Variants in PLCB2 observed in about 807,000 individuals in gnomAD.
PLCB2 encodes the protein 1-phosphatidylinositol 4,5-bisphosphate phosphodiesterase beta-2.
In PLCB2, 115 loss-of-function variants were observed where a neutral mutation model predicts 141.7. That is an observed-to-expected ratio of 0.81 (90% confidence interval 0.70 to 0.95). PLCB2 has a LOEUF of 0.95. PLCB2 is among the 40% of genes least tolerant of loss of function. The probability of loss-of-function intolerance (pLI) is 0.00; values close to 1 mark genes in which losing one functional copy is unlikely to be tolerated. For synonymous variants in PLCB2, 603 were observed against 595.6 expected (o/e 1.01, Z -0.18); for missense variants, 1,403 against 1,541.1 (o/e 0.91, Z 1.50).
Position 40,288,300 on chromosome 15 carries a change from A to C in PLCB2, c.*415T>G. ...CTGATGGGGCCTGGAAGCCTGGGGC[A>C]GGAGGGTTCGGGGCTAGAGTGGAGG... On this transcript the variant is annotated 3_prime_UTR_variant, in exon 32 of 32. Coordinates refer to ENST00000260402, the MANE Select transcript of PLCB2 (RefSeq NM_004573.3). 1 of 992,992 alleles carries C rather than the reference A, an allele frequency of 1.0e-6. No homozygotes were observed. Among genetic ancestry groups the C allele is most frequent in the Non-Finnish European group, 1.2e-6 (1 of 835,164 alleles). The allele number at this position is 992,992 out of a possible 1,614,324, so 61.5% of individuals were successfully genotyped here. A position where few individuals can be genotyped will look rare whatever the true frequency, so the allele number is the denominator to read the frequency against.
chr15:40,289,272 C>G lies in PLCB2; in HGVS notation c.3354G>C (p.Gln1118His). 1 of 1,613,048 alleles carries G rather than the reference C, an allele frequency of 6.2e-7. No homozygotes were observed. Among genetic ancestry groups the G allele is most frequent in the Non-Finnish European group, 8.5e-7 (1 of 1,178,994 alleles). The part of the protein sequence containing the change: ...CLEQIREMEK[Q>H]FQKEALAEYE... ...GGGGTCCCAGTAGTGAACCTGTTAC[C>G]TGCTTTTCCATCTCCCGTATCTGTT... The change falls in exon 31 of 32, where the codon CAG (glutamine) becomes CAC (histidine). Residue 1118 changes from glutamine (Q) to histidine (H), a missense_variant and splice_region_variant. Coordinates refer to ENST00000260402, the MANE Select transcript of PLCB2 (RefSeq NM_004573.3).
chr15:40,302,514 GT>G lies in PLCB2; in HGVS notation c.326del (p.Asp109AlafsTer25). 4 of 1,614,180 alleles carry G rather than the reference GT, an allele frequency of 2.5e-6. No individual in the cohort carries two copies. Among genetic ancestry groups the G allele is most frequent in the Non-Finnish European group, 3.4e-6 (4 of 1,180,020 alleles). ...AGGAGACGAAGTTGTGGAAGGTGAG[GT>G]CCACCATGTCCGGGCCGGACACCAC... is the stretch of plus-strand genomic sequence containing the variant. ...LTVVSGPDMV[D>X]LTFHNFVSYK... On this transcript the variant is annotated frameshift_variant, in exon 4 of 32. Coordinates refer to ENST00000260402, the MANE Select transcript of PLCB2 (RefSeq NM_004573.3). LOFTEE classifies it high-confidence loss of function.
rs766936311 is a variant in PLCB2 at position 40,298,647 on chromosome 15, G to A, written c.912C>T (p.Ala304=). The A allele has an allele frequency of 1.9e-6, 3 of 1,614,194 alleles. No homozygotes were observed. In the South Asian group the frequency reaches 3.3e-5, roughly 18 times the overall value. Residue 304 remains alanine (A), a synonymous_variant, in exon 10 of 32, where the codon GCC becomes GCT. Transcript: ENST00000260402. ...CGTGGTGGAGCAGCAGCTTGTCCTG[G>A]GCCAGCACGCTGTTCTCTGGCCCAC... ...FLCGPENSVL[A]QDKLLLHHDM...
chr15:40,305,103 G>A (rs190335404), intron 1 of PLCB2, among the ~76,000 whole-genome samples: 2 of 151,594 alleles, frequency 1.3e-5, no homozygotes, highest in Admixed American at 1.3e-4. Context: ...CCAAGGGAGA[G>A]TTGGAGTGCC....
At position 40,297,640 on chromosome 15, in the gene PLCB2, G is replaced by A. The variant is rs367673468; in HGVS notation, c.1239-35C>T. The A allele has an allele frequency of 4.5e-5, 69 of 1,538,846 alleles. No individual in the cohort carries two copies. Among genetic ancestry groups the A allele is most frequent in the African/African-American group, 8.2e-5 (6 of 73,616 alleles). The stretch of plus-strand genomic sequence containing the variant: ...GCAAAAGCGGGGATGGGGTTCAGCC[G>A]CTCAGCACCAACCCTATTATGCATC... On this transcript the variant is annotated intron_variant, in intron 12 of 31. Coordinates refer to ENST00000260402, the MANE Select transcript of PLCB2 (RefSeq NM_004573.3). This position sits in a 1 kb window ranked among gnomAD's most constrained non-coding sequence, Gnocchi z 4.2.
intron 1 of PLCB2, among the ~76,000 whole-genome samples, chr15:40,307,308 AAGG>A (rs1377407770): frequency 6.6e-6 from 1 of 152,044 alleles, no homozygotes; most frequent in Non-Finnish European, 1.5e-5. Flanking sequence ...TGGGGGTTTG[AAGG>A]AGAAGAGAAG....
chr15:40,296,854 T>G lies in PLCB2; in HGVS notation c.1378A>C (p.Ile460Leu), dbSNP rs779593874. ...GAAAACTGGTTCTTCTTGTTCTTGATGAGGATCTTGCCCCTGAGATCCTCA... is the reference window on the plus strand; with the variant it reads ...GAAAACTGGTTCTTCTTGTTCTTGAGGAGGATCTTGCCCCTGAGATCCTCA... ...SPEDLRGKILIKNKKNQFSGP... is the reference protein window; with the variant it reads ...SPEDLRGKILLKNKKNQFSGP... Residue 460 changes from isoleucine to leucine, a missense_variant, in exon 14 of 32, where the codon ATC (isoleucine) becomes CTC (leucine). This residue lies in a region of PLCB2 where 975 missense variants were observed against 1,141.1 expected (regional missense o/e 0.85). Coordinates refer to ENST00000260402, the MANE Select transcript of PLCB2 (RefSeq NM_004573.3). The G allele has an allele frequency of 6.2e-7, 1 of 1,614,156 alleles. No homozygotes were observed. The highest frequency in any genetic ancestry group is 8.5e-7 in the Non-Finnish European group (1 of 1,180,006).
At position 40,302,597 on chromosome 15, in the gene PLCB2, G is replaced by A. The variant is rs377506463; in HGVS notation, c.244C>T (p.Arg82Trp). The A allele has an allele frequency of 1.2e-5, 19 of 1,614,146 alleles. No homozygotes were observed. The highest frequency in any genetic ancestry group is 2.2e-5 in the East Asian group (1 of 44,882). Residue 82 changes from arginine (R) to tryptophan (W), a missense_variant, in exon 4 of 32, where the codon CGG (arginine) becomes TGG (tryptophan). Physicochemically the swap from Arg to Trp is moderately radical, Grantham distance 101 (BLOSUM62 -3). This residue lies in a region of PLCB2 where 975 missense variants were observed against 1,141.1 expected (regional missense o/e 0.85). Coordinates refer to ENST00000260402, the MANE Select transcript of PLCB2 (RefSeq NM_004573.3). The part of the protein sequence containing the change: ...FAKMPKSQKL[R>W]DVFNMDFPDN... ...GGAAAGTCCATGTTGAAGACGTCCC[G>A]GAGCTTCTGGCTCTGCAGCACGTGG...
chr15:40,285,799 C>A (rs1183147387), downstream of PLCB2: 9 of 984,762 alleles, frequency 9.1e-6, no homozygotes, highest in African/African-American at 5.2e-5. Context: ...ATGACTCACA[C>A]CCCCCCAGGT....
In PLCB2 at chr15:40,293,553, C is replaced by T; in HGVS notation, c.2226+7G>A. 1 of 1,612,908 alleles carries T rather than the reference C, an allele frequency of 6.2e-7. No individual in the cohort carries two copies. The highest frequency in any genetic ancestry group is 8.5e-7 in the Non-Finnish European group (1 of 1,179,004). ...CAGACTCTGCCCTGCCATGCCCTGG[C>T]CCCCACCTTCTCAAAGACAAAGGGC... On this transcript the variant is annotated splice_region_variant and intron_variant, in intron 20 of 31. Transcript: ENST00000260402.
Position 40,298,677 on chromosome 15 carries a change from A to G in PLCB2, c.882T>C (p.Phe294=). ...GQLSPEGMVW[F]LCGPENSVLA... is the part of the protein sequence containing the mutation. ...GCACGCTGTTCTCTGGCCCACAGAG[A>G]AACCAGACCATGCCTTCAGGTGACA... Residue 294 remains phenylalanine, a synonymous_variant, in exon 10 of 32, where the codon TTT becomes TTC. Transcript: ENST00000260402. 1 of 1,614,152 alleles carries G rather than the reference A, an allele frequency of 6.2e-7. No individual in the cohort carries two copies. The highest frequency in any genetic ancestry group is 8.5e-7 in the Non-Finnish European group (1 of 1,180,008).
At chr15:40,295,082 T>C (rs1232901939) in intron 17 of PLCB2, 22 bp from the exon 18 acceptor site, 3 of 1,609,716 alleles carry the variant, frequency 1.9e-6, no homozygotes, top group East Asian at 4.5e-5. Flanking sequence ...TTTAGGACCC[T>C]AGCCAAGGCC....
In PLCB2 at chr15:40,289,370, T is replaced by A. The variant is rs775592919; in HGVS notation, c.3268-12A>T. On this transcript the variant is annotated splice_polypyrimidine_tract_variant and intron_variant, in intron 30 of 31. Coordinates refer to ENST00000260402, the MANE Select transcript of PLCB2 (RefSeq NM_004573.3). ...AAGTTCTCCGTCATCTGGGTGGGAG[T>A]GGATGGCAGAGAATCAGGACAACAC... is the stretch of plus-strand genomic sequence containing the variant. The A allele has an allele frequency of 6.2e-7, 1 of 1,605,188 alleles. No homozygotes were observed. Among genetic ancestry groups the A allele is most frequent in the Non-Finnish European group, 8.5e-7 (1 of 1,172,322 alleles).
rs200750147 is a variant in PLCB2, at chr15:40,291,419, C to T, written c.2716G>A (p.Glu906Lys). The change falls in exon 26 of 32, where the codon GAG becomes AAG. Residue 906 changes from glutamate (E) to lysine (K), a missense_variant. By Grantham distance (56) the Glu-to-Lys change is moderately conservative (BLOSUM62 1). Transcript: ENST00000260402. ...KGVVKLQRRHEKELRELERRG... is the reference protein window; with the variant it reads ...KGVVKLQRRHKKELRELERRG... ...CGCTCCAACTCTCGCAGCTCCTTCT[C>T]GTGCCGCCGCTGCAGCTTCACCACG... 5.0e-3 allele frequency: 7,669 copies of T among 1,538,564 alleles called. 29 individuals carry two copies. Among genetic ancestry groups the T allele is most frequent in the Non-Finnish European group, 6.0e-3 (6,906 of 1,147,580 alleles).
At chr15:40,285,504 T>G, downstream of PLCB2, 1 of 983,454 alleles carries the variant, frequency 1.0e-6, no homozygotes, top group Non-Finnish European at 1.2e-6. Context: ...TGTTTTGTTT[T>G]CTAGAGCTGC....
chr15:40,289,954 AGAGAGAGAGAGAGAGTGT>A (rs1255509708), intron 30 of PLCB2, 53 bp downstream of exon 30: 43 of 664,116 alleles, frequency 6.5e-5, no homozygotes, highest in Admixed American at 1.4e-4. Flanking sequence ...AGAGAGAGAG[AGAGAGAGAGAGAGAGTGT>A]GTGTGTGTGT....
chr15:40,292,113 T>C lies in PLCB2; in HGVS notation c.2477A>G (p.His826Arg), dbSNP rs1401281668. 6 of 1,614,064 alleles carry C rather than the reference T, an allele frequency of 3.7e-6. No individual in the cohort carries two copies. The highest frequency in any genetic ancestry group is 1.3e-5 in the African/African-American group (1 of 74,930). The change falls in exon 23 of 32, where the codon CAT becomes CGT. Residue 826 changes from histidine (H) to arginine (R), a missense_variant. His to Arg is a conservative substitution (Grantham distance 29, BLOSUM62 0). This residue lies in a region of PLCB2 where 975 missense variants were observed against 1,141.1 expected (regional missense o/e 0.85). Coordinates refer to ENST00000260402, the MANE Select transcript of PLCB2 (RefSeq NM_004573.3). ...LANPIKFFSA[H>R]DTKSVKLKEA... The stretch of plus-strand genomic sequence containing the variant: ...CTTGAGCTTCACAGACTTCGTGTCA[T>C]GGGCACTGAAGAACTTAATGGGGTT...
At chr15:40,298,169 C>T (rs2040327868) in intron 11 of PLCB2, 54 bp downstream of exon 11, 2 of 1,516,732 alleles carry the variant, frequency 1.3e-6, no homozygotes, top group Non-Finnish European at 1.8e-6. Flanking sequence ...AAGCTTCTGG[C>T]CCAGAGCCCT....
chr15:40,305,514 C>T (rs1305487736), intron 1 of PLCB2, among the ~76,000 whole-genome samples: 1 of 152,172 alleles, frequency 6.6e-6, no homozygotes, highest in African/African-American at 2.4e-5. Flanking sequence ...ACAATGGATG[C>T]ATGGGTATTT....
Sources: allele counts gnomAD v4.1 joint callset (sites outside exome capture counted in the v4.1 genomes callset), GRCh38; gene constraint gnomAD v4.1.1; regional missense constraint gnomAD v4.1.1; non-coding constraint Gnocchi (gnomAD v3.1); transcripts MANE v1.5; gene names NCBI Gene and HGNC (gene_info 2026-07-23, HGNC 2026-07-21).